The following ADGRV1 variants were observed in gnomAD, a reference collection of about 807,000 sequenced individuals.
The protein encoded by ADGRV1 is adhesion G protein-coupled receptor V1, also known as G-protein coupled receptor 98.
A neutral mutation model predicts 596.2 loss-of-function variants in ADGRV1; 359 were observed. The ratio of observed to expected loss-of-function variants is 0.60; its 90% confidence interval spans 0.55 to 0.66. ADGRV1 has a LOEUF of 0.66. Ranked by LOEUF, ADGRV1 falls within the 30% of genes least tolerant of loss-of-function variation. The probability of loss-of-function intolerance (pLI) is 0.00; values close to 1 mark genes in which losing one functional copy is unlikely to be tolerated. For missense variants in ADGRV1, 7,274 were observed against 7,575.6 expected (o/e 0.96, Z 1.48); for synonymous variants, 2,681 against 2,679.2 (o/e 1.00, Z -0.02).
At chr5:90,916,924 G>A (rs1308849619) in intron 83 of ADGRV1, among the ~76,000 whole-genome samples, 3 of 152,010 alleles carry the variant, frequency 2.0e-5, no homozygotes, top group East Asian at 1.9e-4. Flanking sequence ...GAGCCACCGC[G>A]CCCTGCCACA....
At chr5:90,594,834 A>T (rs1406407682) in intron 1 of ADGRV1, among the ~76,000 whole-genome samples, 3 of 150,974 alleles carry the variant, frequency 2.0e-5, no homozygotes, top group African/African-American at 7.4e-5. Context: ...CCCAAGGCAG[A>T]AGAATTTTTC....
intron 77 of ADGRV1, among the ~76,000 whole-genome samples, chr5:90,840,268 TTTGA>T (rs1374246730): frequency 6.6e-6 from 1 of 152,210 alleles, no homozygotes; most frequent in Non-Finnish European, 1.5e-5. Flanking sequence ...ACATGTGTTA[TTTGA>T]AGCACGATTT....
chr5:91,071,075 T>G (rs914150453), intron 85 of ADGRV1, among the ~76,000 whole-genome samples: 9 of 151,922 alleles, frequency 5.9e-5, no homozygotes, highest in Admixed American at 3.3e-4. Context: ...TTTCCTCTGT[T>G]AGGAAGAAAA....
rs748610656 is a variant in ADGRV1 at position 90,644,808 on chromosome 5, C to G, written c.2837C>G (p.Thr946Ser). 1.2e-6 allele frequency: 2 copies of G among 1,611,178 alleles called. No individual in the cohort carries two copies. The highest frequency in any genetic ancestry group is 4.5e-5 in the East Asian group (2 of 44,740). ...FTQDVFPVQGTVVFGDQEFSK... is the reference protein window; with the variant it reads ...FTQDVFPVQGSVVFGDQEFSK... Reference sequence around the variant, plus strand: ...CAAGATGTATTTCCTGTACAAGGGACTGTTGTCTTTGGAGATCAGGAATTT... The same window carrying G: ...CAAGATGTATTTCCTGTACAAGGGAGTGTTGTCTTTGGAGATCAGGAATTT... The change falls in exon 15 of 90, where the codon ACT (threonine) becomes AGT (serine). Residue 946 changes from threonine to serine, a missense_variant. Physicochemically the swap from Thr to Ser is moderately conservative, Grantham distance 58 (BLOSUM62 1). This residue lies in a region of ADGRV1 where 1,715 missense variants were observed against 1,708.8 expected (regional missense o/e 1.00). Transcript: ENST00000405460.
chr5:90,812,602 C>G (rs1181816073), intron 74 of ADGRV1, among the ~76,000 whole-genome samples: 1 of 152,066 alleles, frequency 6.6e-6, no homozygotes, highest in Non-Finnish European at 1.5e-5. Flanking sequence ...TCCTAGAGTT[C>G]GTATTTTATT....
chr5:91,115,255 A>G (rs13357230), intron 87 of ADGRV1, among the ~76,000 whole-genome samples: 9,281 of 152,292 alleles, frequency 0.061, 397 homozygotes, highest in East Asian at 0.15. Flanking sequence ...TTAATCTGAT[A>G]TACACTACTC....
At chr5:91,029,118 T>A (rs913069855) in intron 85 of ADGRV1, among the ~76,000 whole-genome samples, 1 of 152,178 alleles carries the variant, frequency 6.6e-6, no homozygotes, top group Non-Finnish European at 1.5e-5. Context: ...TACTCCTTCA[T>A]ATTATGAAAG....
In ADGRV1 at chr5:90,778,986, T is replaced by C; in HGVS notation, c.12971T>C (p.Phe4324Ser). 2 of 1,613,434 alleles carry C rather than the reference T, an allele frequency of 1.2e-6. No individual in the cohort carries two copies. ...GTTCCTGCAGCAGGGGAGCTCCTCTTTGAAGCAGGGGAGATGAGGAAAAGT... is the reference window on the plus strand; with the variant it reads ...GTTCCTGCAGCAGGGGAGCTCCTCTCTGAAGCAGGGGAGATGAGGAAAAGT... ...DFVPAAGELL[F>S]EAGEMRKSLH... The change falls in exon 64 of 90, where the codon TTT (phenylalanine) becomes TCT (serine). Residue 4324 changes from phenylalanine (F) to serine (S), a missense_variant. Physicochemically the swap from Phe to Ser is radical, Grantham distance 155. Transcript: ENST00000405460.
At chr5:91,077,680 C>T (rs559134468) in intron 86 of ADGRV1, among the ~76,000 whole-genome samples, 213 of 152,294 alleles carry the variant, frequency 1.4e-3, no homozygotes, top group African/African-American at 5.0e-3. Context: ...AGGTCAGTGG[C>T]TCCTAATGAG....
At chr5:90,959,971 C>G (rs989077533) in intron 83 of ADGRV1, among the ~76,000 whole-genome samples, 3 of 151,710 alleles carry the variant, frequency 2.0e-5, no homozygotes, top group Non-Finnish European at 2.9e-5. Flanking sequence ...AACCCCGTCT[C>G]TACTAAAAAT....
At chr5:90,614,188 A>C (rs534002758) in intron 1 of ADGRV1, 2 of 379,844 alleles carry the variant, frequency 5.3e-6, no homozygotes, top group Admixed American at 8.4e-5. Flanking sequence ...TTGTCATGGA[A>C]AAAAAGGAAA....
intron 86 of ADGRV1, among the ~76,000 whole-genome samples, chr5:91,076,634 G>C (rs916962698): frequency 1.3e-5 from 2 of 152,032 alleles, no homozygotes; most frequent in African/African-American, 4.8e-5. Flanking sequence ...TTAATTCTCT[G>C]ATCTGTTTGT....
At chr5:90,784,379 A>G (rs1351611626) in intron 67 of ADGRV1, among the ~76,000 whole-genome samples, 4 of 152,236 alleles carry the variant, frequency 2.6e-5, no homozygotes, top group African/African-American at 4.8e-5. Flanking sequence ...GAGGAACTAG[A>G]TAGACCTCAT....
At chr5:90,679,192 T>C (rs7703530) in intron 25 of ADGRV1, among the ~76,000 whole-genome samples, 111,834 of 152,054 alleles carry the variant, frequency 0.74, 42,152 homozygotes, top group African/African-American at 0.9. Context: ...TAGGCCTAAG[T>C]GTATGATTAT....
At chr5:91,021,185 A>T (rs1385318964) in intron 85 of ADGRV1, among the ~76,000 whole-genome samples, 1 of 152,092 alleles carries the variant, frequency 6.6e-6, no homozygotes, top group Non-Finnish European at 1.5e-5. Flanking sequence ...AAAATATTTT[A>T]TCTAACCTCA....
intron 83 of ADGRV1, among the ~76,000 whole-genome samples, chr5:90,911,273 T>C (rs1211950702): frequency 1.3e-5 from 2 of 152,330 alleles, no homozygotes; most frequent in East Asian, 3.9e-4. Context: ...AGGTCACTTT[T>C]TTCATGGACT....
intron 76 of ADGRV1, among the ~76,000 whole-genome samples, chr5:90,826,817 C>A (rs1764114881): frequency 2.0e-5 from 3 of 152,156 alleles, no homozygotes; most frequent in Admixed American, 2.0e-4. Flanking sequence ...TTGACTCTGT[C>A]CTATCTCAGA....
chr5:90,847,964 G>A (rs578073730), intron 78 of ADGRV1, among the ~76,000 whole-genome samples: 2 of 152,308 alleles, frequency 1.3e-5, no homozygotes, highest in South Asian at 2.1e-4. Flanking sequence ...CACCAAGGCC[G>A]AGGAGGCACC....
chr5:90,697,107 A>T lies in ADGRV1; in HGVS notation c.8116A>T (p.Ser2706Cys), dbSNP rs201912626. 6.2e-6 allele frequency: 10 copies of T among 1,613,316 alleles called. No individual in the cohort carries two copies. The highest frequency in any genetic ancestry group is 7.6e-6 in the Non-Finnish European group (9 of 1,179,440). The change falls in exon 34 of 90, where the codon AGC becomes TGC. Residue 2706 changes from serine (S) to cysteine (C), a missense_variant. Ser to Cys is a moderately radical substitution (Grantham distance 112). Transcript: ENST00000405460. ...LANDNVAGIV[S>C]FQTASRSVIG... ...CAATGACAATGTGGCAGGAATTGTT[A>T]GCTTTCAGACAGCTTCCAGATCTGT...
Sources: gnomAD v4.1 joint callset for allele counts (sites outside exome capture counted in the v4.1 genomes callset) on GRCh38, gnomAD v4.1.1 for gene constraint, gnomAD v4.1.1 regional missense constraint, MANE v1.5 for transcripts, NCBI Gene and HGNC (gene_info 2026-07-23, HGNC 2026-07-21) for gene names.